ATP6V0B: variants seen among roughly 807,000 people sequenced by gnomAD.
ATP6V0B encodes the protein V-type proton ATPase 21 kDa proteolipid subunit c''.
ATP6V0B carries 4 observed loss-of-function variants against 26.2 expected under a neutral mutation model. The observed-to-expected ratio is 0.15, with a 90% CI of 0.08 to 0.35. The LOEUF (loss-of-function observed/expected upper bound fraction) is 0.35, where lower values mean the gene tolerates loss of function less well. Among genes scored for constraint, ATP6V0B ranks in the 10% least tolerant of loss-of-function variants. The pLI is 1.00. For missense variants in ATP6V0B, 175 were observed against 272.5 expected (o/e 0.64, Z 2.52); for synonymous variants, 110 against 105.8 (o/e 1.04, Z -0.24).
At chr1:43,977,462 C>T (rs2085534108) in intron 7 of ATP6V0B, 5 of 1,436,242 alleles carry the variant, frequency 3.5e-6, no homozygotes, top group Non-Finnish European at 4.5e-6. Flanking sequence ...ATCTGTATAG[C>T]ACTTAGTCCT....
rs935145608 is a variant in ATP6V0B, at chr1:43,976,472, T to C, written c.278+93T>C. The C allele has an allele frequency of 3.9e-6, 6 of 1,538,244 alleles. No individual in the cohort carries two copies. The highest frequency in any genetic ancestry group is 4.5e-5 in the East Asian group (2 of 44,318). ...GACATACTGTTTCTGACAAGCCACC[T>C]TGTGGGATGGGATGTTATAGGGGAA... On this transcript the variant is annotated intron_variant, in intron 4 of 7. Coordinates refer to ENST00000472174, the MANE Select transcript of ATP6V0B (RefSeq NM_004047.5). The surrounding 1 kb of genome is among the most constrained non-coding windows in gnomAD (Gnocchi z 4.6).
In ATP6V0B at chr1:43,976,252, G is replaced by GGCT. The variant is rs1466625865; in HGVS notation, c.201-49_201-48insCTG. ...GTCACTGGGGTCTTAGGCATGCTGA[G>GGCT]GGCAGTGACAGCTTGGGCTCTGCTC... On this transcript the variant is annotated intron_variant, in intron 3 of 7. Coordinates refer to ENST00000472174, the MANE Select transcript of ATP6V0B (RefSeq NM_004047.5). The surrounding 1 kb of genome is among the most constrained non-coding windows in gnomAD (Gnocchi z 4.6). The GGCT allele has an allele frequency of 6.2e-7, 1 of 1,609,686 alleles. No homozygotes were observed. Among genetic ancestry groups the GGCT allele is most frequent in the Middle Eastern group, 1.7e-4 (1 of 6,052 alleles).
chr1:43,978,083 T>A lies in ATP6V0B; in HGVS notation c.*76T>A. 2 of 1,603,732 alleles carry A rather than the reference T, an allele frequency of 1.2e-6. No individual in the cohort carries two copies. The highest frequency in any genetic ancestry group is 2.2e-5 in the South Asian group (2 of 90,900). Reference sequence around the variant, plus strand: ...CCTGGGACAGCTGGAGCTGTGTCCCTTAGCCTTTCAGAGGCTTGGTGTTCA... The same window carrying A: ...CCTGGGACAGCTGGAGCTGTGTCCCATAGCCTTTCAGAGGCTTGGTGTTCA... On this transcript the variant is annotated 3_prime_UTR_variant, in exon 8 of 8. Transcript: ENST00000472174.
At chr1:43,975,893 G>A (rs1396339850) in intron 2 of ATP6V0B, 45 bp downstream of exon 2, 1 of 1,552,442 alleles carries the variant, frequency 6.4e-7, no homozygotes, top group South Asian at 1.2e-5. Flanking sequence ...CTTCTTCCCT[G>A]CAGCCTCTCT....
intron 7 of ATP6V0B, chr1:43,977,425 C>T: frequency 6.8e-7 from 1 of 1,470,696 alleles, no homozygotes; most frequent in South Asian, 1.4e-5. Flanking sequence ...CAGCCCTGTT[C>T]TTTTTCCCCC....
chr1:43,977,894 C>G, intron 7 of ATP6V0B, 87 bp from the exon 8 acceptor site: 3 of 1,613,870 alleles, frequency 1.9e-6, no homozygotes, highest in Non-Finnish European at 2.5e-6. Flanking sequence ...TCCATCCAAC[C>G]ATGTGCTAGA....
At chr1:43,977,926 A>C (rs2085541429) in intron 7 of ATP6V0B, 55 bp from the exon 8 acceptor site, 1 of 1,614,050 alleles carries the variant, frequency 6.2e-7, no homozygotes, top group African/African-American at 1.3e-5. Flanking sequence ...ATCATTTGTC[A>C]CTGCCTTACC....
rs1273339591 is a variant in ATP6V0B at position 43,976,431 on chromosome 1, C to T, written c.278+52C>T. 1.3e-6 allele frequency: 2 copies of T among 1,564,028 alleles called. No homozygotes were observed. Among genetic ancestry groups the T allele is most frequent in the Non-Finnish European group, 1.8e-6 (2 of 1,142,264 alleles). On this transcript the variant is annotated intron_variant, in intron 4 of 7. Transcript: ENST00000472174. The surrounding 1 kb of genome is among the most constrained non-coding windows in gnomAD (Gnocchi z 4.6). ...GTCAGAACCAGCTGTGTTGGCGCTG[C>T]CTGTGTGTTTGATCTGACATACTGT...
At position 43,976,980 on chromosome 1, in the gene ATP6V0B, C is replaced by T. The variant is rs781639921; in HGVS notation, c.401-46C>T. The T allele has an allele frequency of 6.6e-5, 106 of 1,601,172 alleles. 1 individual carries two copies. The South Asian group carries it at 9.1e-4, about 14-fold the overall frequency. On this transcript the variant is annotated intron_variant, in intron 6 of 7. Coordinates refer to ENST00000472174, the MANE Select transcript of ATP6V0B (RefSeq NM_004047.5). This position sits in a 1 kb window ranked among gnomAD's most constrained non-coding sequence, Gnocchi z 4.6. Reference sequence around the variant, plus strand: ...GATTGGCCCCATTAGCCCATATCTCCCCCATTCCTGGCTTAGCCTCACTGC... The same window carrying T: ...GATTGGCCCCATTAGCCCATATCTCTCCCATTCCTGGCTTAGCCTCACTGC...
rs537764074 is a variant in ATP6V0B at position 43,977,977 on chromosome 1, G to C, written c.592-4G>C. On this transcript the variant is annotated splice_region_variant and splice_polypyrimidine_tract_variant and intron_variant, in intron 7 of 7. Transcript: ENST00000472174. Reference sequence around the variant, plus strand: ...GCCTGATTTCTCCTGTTCTTTTTTTGCAGACCTCCAGAGTGAAGATGGGTG... The same window carrying C: ...GCCTGATTTCTCCTGTTCTTTTTTTCCAGACCTCCAGAGTGAAGATGGGTG... 4 of 1,613,862 alleles carry C rather than the reference G, an allele frequency of 2.5e-6. No homozygotes were observed. In the African/African-American group the frequency reaches 4.0e-5, roughly 16 times the overall value.
chr1:43,977,563 T>C (rs2085535797), intron 7 of ATP6V0B: 1 of 1,426,076 alleles, frequency 7.0e-7, no homozygotes, highest in Non-Finnish European at 9.1e-7. Context: ...TTTGTCTGTC[T>C]ATATCAGTCT....
At position 43,975,679 on chromosome 1, in the gene ATP6V0B, G is replaced by C. The variant is rs748774333; in HGVS notation, c.68-121G>C. The C allele has an allele frequency of 3.8e-5, 41 of 1,085,532 alleles. No homozygotes were observed. In the South Asian group the frequency reaches 3.8e-4, roughly 10 times the overall value. The allele number at this position is 1,085,532 out of a possible 1,614,324, so 67.2% of individuals were successfully genotyped here. On this transcript the variant is annotated intron_variant, in intron 1 of 7. Transcript: ENST00000472174. Reference sequence around the variant, plus strand: ...TGTCTACACAGCTGTACTGTCACCTGGGGGCAGCCTGAGGACGCCCCTTCA... The same window carrying C: ...TGTCTACACAGCTGTACTGTCACCTCGGGGCAGCCTGAGGACGCCCCTTCA...
At position 43,975,922 on chromosome 1, in the gene ATP6V0B, T is replaced by G. The variant is rs919962019; in HGVS notation, c.116+74T>G. 2.0e-6 allele frequency: 3 copies of G among 1,529,104 alleles called. No individual in the cohort carries two copies. The African/African-American group carries it at 4.1e-5, about 21-fold the overall frequency. 94.7% of individuals were successfully genotyped at this position (1,529,104 alleles called of 1,614,324 possible). Reference sequence around the variant, plus strand: ...CCTCTCTTCTTTTCTCTGGTCTGAGTCCCTCCCCCACACCACTGCCTGCCT... The same window carrying G: ...CCTCTCTTCTTTTCTCTGGTCTGAGGCCCTCCCCCACACCACTGCCTGCCT... On this transcript the variant is annotated intron_variant, in intron 2 of 7. Transcript: ENST00000472174.
rs1046128856 is a variant in ATP6V0B at position 43,976,570 on chromosome 1, CT to C, written c.279-19del. ...TCTTTCTCCTTTCCACTCCTTACCC[CT>C]AATCTCTACCACTACCAGCATCATC... On this transcript the variant is annotated intron_variant, in intron 4 of 7. Coordinates refer to ENST00000472174, the MANE Select transcript of ATP6V0B (RefSeq NM_004047.5). The surrounding 1 kb of genome is among the most constrained non-coding windows in gnomAD (Gnocchi z 4.6). 1.2e-6 allele frequency: 2 copies of C among 1,613,638 alleles called. No individual in the cohort carries two copies. The highest frequency in any genetic ancestry group is 1.7e-6 in the Non-Finnish European group (2 of 1,179,594).
At chr1:43,977,308 C>T in intron 7 of ATP6V0B, 92 bp downstream of exon 7, 3 of 1,608,550 alleles carry the variant, frequency 1.9e-6, no homozygotes, top group Non-Finnish European at 2.5e-6. Flanking sequence ...CCTTCTCTAC[C>T]TATAACTATA....
intron 7 of ATP6V0B, chr1:43,977,759 T>A: frequency 6.9e-7 from 1 of 1,457,308 alleles, no homozygotes; most frequent in South Asian, 1.4e-5. Flanking sequence ...TCTTAGTGAC[T>A]AGCTTTATCC....
Position 43,977,969 on chromosome 1 carries a change from C to T in ATP6V0B, c.592-12C>T. 6.2e-7 allele frequency: 1 copy of T among 1,614,094 alleles called. No homozygotes were observed. The highest frequency in any genetic ancestry group is 2.2e-5 in the East Asian group (1 of 44,888). ...CTGTCCCTGCCTGATTTCTCCTGTT[C>T]TTTTTTTGCAGACCTCCAGAGTGAA... On this transcript the variant is annotated splice_polypyrimidine_tract_variant and intron_variant, in intron 7 of 7. Transcript: ENST00000472174.
At position 43,975,077 on chromosome 1, in the gene ATP6V0B, G is replaced by C. The variant is rs776524790; in HGVS notation, c.37G>C (p.Val13Leu). 30 of 1,400,162 alleles carry C rather than the reference G, an allele frequency of 2.1e-5. No homozygotes were observed. The highest frequency in any genetic ancestry group is 2.8e-5 in the Non-Finnish European group (30 of 1,081,698). The allele number at this position is 1,400,162 out of a possible 1,614,324, so 86.7% of individuals were successfully genotyped here. A position where few individuals can be genotyped will look rare whatever the true frequency, so the allele number is the denominator to read the frequency against. ...AGCACTGCTCTACTCCGGGGTCTTC[G>C]TGGCCTTCTGGGCCTGCGCGCTGGC... ...GLALLYSGVF[V>L]AFWACALAVG... Residue 13 changes from valine (V) to leucine (L), a missense_variant, in exon 1 of 8, where the codon GTG (valine) becomes CTG (leucine). Transcript: ENST00000472174.
chr1:43,975,252 C>CT, intron 1 of ATP6V0B, 145 bp downstream of exon 1: 1 of 1,047,216 alleles, frequency 9.5e-7, no homozygotes, highest in East Asian at 3.0e-5. Flanking sequence ...GCGAGGGCCT[C>CT]TGACTCCGAC....
Sources: gnomAD v4.1 joint callset for allele counts on GRCh38, gnomAD v4.1.1 for gene constraint, Gnocchi (gnomAD v3.1) non-coding constraint, MANE v1.5 for transcripts, NCBI Gene and HGNC (gene_info 2026-07-23, HGNC 2026-07-21) for gene names.